Variants in CREB5 observed in about 807,000 individuals in gnomAD.
CREB5 encodes the protein cyclic AMP-responsive element-binding protein 5.
Under a neutral mutation model 57.1 loss-of-function variants are expected in CREB5, and 19 were observed. That is an observed-to-expected ratio of 0.33 (90% CI 0.23 to 0.49). The LOEUF (loss-of-function observed/expected upper bound fraction) is 0.49. Ranked by LOEUF, CREB5 falls within the 20% of genes least tolerant of loss-of-function variation. The pLI is 0.99. For synonymous variants in CREB5, 238 were observed against 238.3 expected, an observed-to-expected ratio of 1.00 and a Z score of 0.01; for missense variants, 579 against 671.6, an observed-to-expected ratio of 0.86 and a Z score of 1.52.
chr7:28,370,741 C>A (rs960782077), intron 1 of CREB5, among the ~76,000 whole-genome samples: 2 of 152,192 alleles, frequency 1.3e-5, no homozygotes, highest in African/African-American at 2.4e-5. Context: ...GAGGGAGTTG[C>A]AGTAACAGAA....
At chr7:28,642,987 T>TACACATACAC (rs1798731112) in intron 5 of CREB5, among the ~76,000 whole-genome samples, 1 of 98,332 alleles carries the variant, frequency 1.0e-5, no homozygotes, top group Non-Finnish European at 2.1e-5. Context: ...CACACACACA[T>TACACATACAC]ACACACACAC....
intron 7 of CREB5, among the ~76,000 whole-genome samples, chr7:28,771,857 T>C (rs1199490911): frequency 6.6e-6 from 1 of 152,160 alleles, no homozygotes; most frequent in Non-Finnish European, 1.5e-5. Flanking sequence ...CTTTTTTCTT[T>C]GGTCATTTAA....
chr7:28,335,343 C>G (rs558832337), intron 1 of CREB5, among the ~76,000 whole-genome samples: 2 of 152,098 alleles, frequency 1.3e-5, no homozygotes, highest in East Asian at 3.9e-4. Context: ...AATGTCTTTT[C>G]ATTTTCTTCT....
rs565914575 is a variant in CREB5 at position 28,581,508 on chromosome 7, G to A, written c.464+10971G>A. The stretch of plus-strand genomic sequence containing the variant: ...GCCTGTACCACAGTCACAGGCAGAG[G>A]CCTGCGGGTGCTTAAAGAGAATCAC... On this transcript the variant is annotated intron_variant, in intron 5 of 10. Transcript: ENST00000357727. Among the ~76,000 whole-genome samples the A allele has an allele frequency of 1.3e-4, 20 of 152,326 alleles. No homozygotes were observed. In the East Asian group the frequency reaches 3.3e-3, roughly 25 times the overall value.
At chr7:28,560,666 C>G (rs1394020144) in intron 4 of CREB5, among the ~76,000 whole-genome samples, 2 of 152,060 alleles carry the variant, frequency 1.3e-5, no homozygotes, top group East Asian at 3.9e-4. Flanking sequence ...AATCGACAGA[C>G]TGGAGAAGTT....
chr7:28,483,296 G>A (rs1350463716), intron 1 of CREB5, among the ~76,000 whole-genome samples: 1 of 152,180 alleles, frequency 6.6e-6, no homozygotes, highest in African/African-American at 2.4e-5. Flanking sequence ...CCAGGAATTT[G>A]TGGGGTCAGA....
At chr7:28,427,862 C>T (rs1788569486) in intron 1 of CREB5, among the ~76,000 whole-genome samples, 2 of 152,192 alleles carry the variant, frequency 1.3e-5, no homozygotes, top group Admixed American at 1.3e-4. Context: ...AAGTGCATCA[C>T]TAAAGGTGGA....
intron 1 of CREB5, among the ~76,000 whole-genome samples, chr7:28,397,476 G>A (rs2127998995): frequency 6.6e-6 from 1 of 152,304 alleles, no homozygotes; most frequent in East Asian, 1.9e-4. Flanking sequence ...CCTCCAGATT[G>A]TGGGGGTATT....
At chr7:28,334,727 T>C (rs2127987528) in intron 1 of CREB5, among the ~76,000 whole-genome samples, 1 of 152,342 alleles carries the variant, frequency 6.6e-6, no homozygotes, top group Middle Eastern at 3.4e-3. Context: ...CATTTGTCCA[T>C]GTTTGCTTTG....
chr7:28,707,185 C>T (rs974889726), intron 5 of CREB5, among the ~76,000 whole-genome samples: 6 of 152,108 alleles, frequency 3.9e-5, no homozygotes, highest in African/African-American at 1.2e-4. Context: ...AAATGCTTCA[C>T]CCCCAAATTT....
intron 5 of CREB5, among the ~76,000 whole-genome samples, chr7:28,581,610 G>A (rs1433842596): frequency 3.3e-5 from 5 of 152,160 alleles, no homozygotes; most frequent in African/African-American, 9.7e-5. Context: ...AGCTCAAGTG[G>A]TTGAATCAGA....
rs1319908067 is a variant in CREB5 at position 28,790,454 on chromosome 7, GAGAGAGAT to G, written c.703-13737_703-13730del. The stretch of plus-strand genomic sequence containing the variant: ...AGAGAGAGAGAGAGAGAGAGAGAGA[GAGAGAGAT>G]AGAGAGAGAGAGAAAGAAAGAAAGA... On this transcript the variant is annotated intron_variant, in intron 7 of 10. Coordinates refer to ENST00000357727, the MANE Select transcript of CREB5 (RefSeq NM_182898.4). Among the ~76,000 whole-genome samples the G allele has an allele frequency of 8.7e-3, 303 of 35,020 alleles. 2 individuals are homozygous for G. Among genetic ancestry groups the G allele is most frequent in the Admixed American group, 0.013 (56 of 4,368 alleles). 23.0% of individuals were successfully genotyped at this position (35,020 alleles called of 152,430 possible).
rs925717533 is a variant in CREB5, at chr7:28,821,747, T to C, written c.*2468T>C. On this transcript the variant is annotated 3_prime_UTR_variant, in exon 11 of 11. Transcript: ENST00000357727. ...CCTAGGACCATCTATGTGTCTCCCC[T>C]CCCCTCCACAAAAAGGAGAAAGAGT... 6.6e-6 allele frequency: 1 copy of C among 152,586 alleles called. No homozygotes were observed. 9.5% of individuals were successfully genotyped at this position (152,586 alleles called of 1,614,324 possible).
At chr7:28,402,950 T>C (rs1313147632) in intron 1 of CREB5, among the ~76,000 whole-genome samples, 1 of 152,222 alleles carries the variant, frequency 6.6e-6, no homozygotes, top group African/African-American at 2.4e-5. Flanking sequence ...CATTTCAAAG[T>C]TGATACGCAC....
At chr7:28,462,776 GTTTAGTTGCAAGAATATTT>G (rs1453599544) in intron 1 of CREB5, among the ~76,000 whole-genome samples, 1 of 151,762 alleles carries the variant, frequency 6.6e-6, no homozygotes, top group East Asian at 1.9e-4. Context: ...CTTTTTTATT[GTTTAGTTGCAAGAATATTT>G]TTTAGTACAT....
intron 1 of CREB5, among the ~76,000 whole-genome samples, chr7:28,484,101 T>G (rs1199396573): frequency 6.6e-6 from 1 of 152,142 alleles, no homozygotes; most frequent in South Asian, 2.1e-4. Context: ...CAAGCAAAAC[T>G]TGGTTCATTA....
chr7:28,331,350 C>T (rs1785712252), intron 1 of CREB5, among the ~76,000 whole-genome samples: 1 of 152,054 alleles, frequency 6.6e-6, no homozygotes, highest in Admixed American at 6.5e-5. Flanking sequence ...ATTTCCTCTC[C>T]ATCTCATGAA....
intron 7 of CREB5, among the ~76,000 whole-genome samples, chr7:28,762,399 A>ACCCTT (rs1805710073): frequency 6.6e-6 from 1 of 152,156 alleles, no homozygotes; most frequent in South Asian, 2.1e-4. Context: ...TTTTCCAGCA[A>ACCCTT]CCCTTTATTT....
rs186389912 is a variant in CREB5, at chr7:28,614,751, G to T, written c.464+44214G>T. On this transcript the variant is annotated intron_variant, in intron 5 of 10. Coordinates refer to ENST00000357727, the MANE Select transcript of CREB5 (RefSeq NM_182898.4). The stretch of plus-strand genomic sequence containing the variant: ...TTAAAACATGTTATGCAAGCAGAAA[G>T]GTTAGGCTAATGTCCCCATCCCATG... Among the ~76,000 whole-genome samples, 136 of 152,070 alleles carry T rather than the reference G, an allele frequency of 8.9e-4. 1 individual carries two copies. Among genetic ancestry groups the T allele is most frequent in the African/African-American group, 3.3e-3 (135 of 41,472 alleles).
Sources: gnomAD v4.1 joint callset for allele counts (sites outside exome capture counted in the v4.1 genomes callset) on GRCh38, gnomAD v4.1.1 for gene constraint, MANE v1.5 for transcripts, NCBI Gene and HGNC (gene_info 2026-07-23, HGNC 2026-07-21) for gene names.